The following NARS2 variants were observed in gnomAD, a reference collection of about 807,000 sequenced individuals.
NARS2 encodes the protein asparaginyl-tRNA synthetase.
In NARS2, 60 loss-of-function variants were observed where a neutral mutation model predicts 62.9. The ratio of observed to expected loss-of-function variants is 0.95; its 90% CI spans 0.77 to 1.18. NARS2 has a LOEUF of 1.18. NARS2 is among the 50% of genes most tolerant of loss of function. The pLI is 0.00. For synonymous variants in NARS2, 196 were observed against 200.0 expected (o/e 0.98, Z 0.17); for missense variants, 619 against 576.4 (o/e 1.07, Z -0.76).
In NARS2 at chr11:78,440,978, G is replaced by C; in HGVS notation, c.1289+113C>G. On this transcript the variant is annotated intron_variant, in intron 13 of 13. Coordinates refer to ENST00000281038, the MANE Select transcript of NARS2 (RefSeq NM_024678.6). The stretch of plus-strand genomic sequence containing the variant: ...CCTTCCCTGACCTAAGAACAGTTAA[G>C]TTCATTGTTTTTAACACTCTTTCAT... 3 of 934,680 alleles carry C rather than the reference G, an allele frequency of 3.2e-6. No individual in the cohort carries two copies. The South Asian group carries it at 4.6e-5, about 14-fold the overall frequency. The allele number at this position is 934,680 out of a possible 1,614,324, so 57.9% of individuals were successfully genotyped here.
intron 5 of NARS2, among the ~76,000 whole-genome samples, chr11:78,534,966 A>C (rs1861619113): frequency 6.6e-6 from 1 of 152,208 alleles, no homozygotes; most frequent in Non-Finnish European, 1.5e-5. Flanking sequence ...ACATAGTATA[A>C]AGCCTCTAAA....
chr11:78,571,398 T>G lies in NARS2; in HGVS notation c.188A>C (p.His63Pro). Residue 63 changes from histidine (H) to proline (P), a missense_variant, in exon 2 of 14, where the codon CAT (histidine) becomes CCT (proline). By Grantham distance (77) the His-to-Pro change is moderately conservative. Transcript: ENST00000281038. Reference protein sequence around the residue: ...VRSQKEVLFLHVNDGSSLESL... With the variant: ...VRSQKEVLFLPVNDGSSLESL... Reference sequence around the variant, plus strand: ...TTCCAAAGATGACCCATCATTTACATGCAGGAACAAGACTTCCTTCTGGGA... The same window carrying G: ...TTCCAAAGATGACCCATCATTTACAGGCAGGAACAAGACTTCCTTCTGGGA... 6.2e-7 allele frequency: 1 copy of G among 1,613,710 alleles called. No homozygotes were observed. Among genetic ancestry groups the G allele is most frequent in the Non-Finnish European group, 8.5e-7 (1 of 1,179,920 alleles).
At chr11:78,519,794 G>A (rs1861046367) in intron 6 of NARS2, among the ~76,000 whole-genome samples, 1 of 151,598 alleles carries the variant, frequency 6.6e-6, no homozygotes, top group African/African-American at 2.4e-5. Flanking sequence ...TCCGCCTCCT[G>A]GGTTCACGCG....
intron 4 of NARS2, among the ~76,000 whole-genome samples, chr11:78,565,687 C>A (rs368524485): frequency 2.0e-5 from 3 of 152,118 alleles, no homozygotes; most frequent in East Asian, 3.8e-4. Flanking sequence ...GGGAAAGAAC[C>A]ATCTAAAAAG....
chr11:78,550,423 C>G (rs142940632), intron 5 of NARS2, among the ~76,000 whole-genome samples: 7 of 152,188 alleles, frequency 4.6e-5, no homozygotes, highest in Non-Finnish European at 1.0e-4. Context: ...GTCAGCTCAT[C>G]AGAATACATT....
At chr11:78,480,021 A>G (rs1018346455) in intron 7 of NARS2, among the ~76,000 whole-genome samples, 3 of 151,698 alleles carry the variant, frequency 2.0e-5, no homozygotes, top group East Asian at 3.9e-4. Flanking sequence ...GCCTCAGCCA[A>G]CTGAGTAACT....
chr11:78,444,655 G>A (rs995166052), intron 11 of NARS2, among the ~76,000 whole-genome samples: 1 of 148,398 alleles, frequency 6.7e-6, no homozygotes, highest in Non-Finnish European at 1.5e-5. Context: ...GGAGGTGGAG[G>A]TCACAGCGAG....
intron 6 of NARS2, among the ~76,000 whole-genome samples, chr11:78,493,709 A>G (rs1176986213): frequency 6.6e-6 from 1 of 152,090 alleles, no homozygotes; most frequent in Non-Finnish European, 1.5e-5. Context: ...TTACATTTAT[A>G]GAAACCATTT....
chr11:78,478,812 T>A, intron 7 of NARS2, 129 bp from the exon 8 acceptor site: 1 of 486,816 alleles, frequency 2.1e-6, no homozygotes, highest in Non-Finnish European at 3.5e-6. Context: ...AATCCTTGAA[T>A]GTACCATGGA....
At chr11:78,553,273 T>C (rs1380840394) in intron 5 of NARS2, among the ~76,000 whole-genome samples, 2 of 152,216 alleles carry the variant, frequency 1.3e-5, no homozygotes, top group South Asian at 2.1e-4. Context: ...TGTCTGTTCA[T>C]GTCCTTTGCA....
At chr11:78,461,524 G>C (rs945590426) in intron 11 of NARS2, among the ~76,000 whole-genome samples, 14 of 140,466 alleles carry the variant, frequency 1.0e-4, no homozygotes, top group African/African-American at 3.5e-4. Context: ...ATCCTAACAA[G>C]AGCTACTTCA....
chr11:78,473,254 T>C (rs1403938741), intron 9 of NARS2, among the ~76,000 whole-genome samples: 1 of 152,220 alleles, frequency 6.6e-6, no homozygotes, highest in Non-Finnish European at 1.5e-5. Flanking sequence ...AACGTGCCTC[T>C]CCAGTTTTAC....
At chr11:78,497,404 T>C (rs955396221) in intron 6 of NARS2, among the ~76,000 whole-genome samples, 9 of 152,156 alleles carry the variant, frequency 5.9e-5, no homozygotes, top group African/African-American at 9.7e-5. Context: ...CTTAACATTT[T>C]GAAAGAACAG....
intron 6 of NARS2, among the ~76,000 whole-genome samples, chr11:78,496,168 A>G (rs1215909059): frequency 6.6e-6 from 1 of 152,210 alleles, no homozygotes; most frequent in Non-Finnish European, 1.5e-5. Flanking sequence ...ATGTTGAAAA[A>G]TTGCGTAAGA....
intron 13 of NARS2, among the ~76,000 whole-genome samples, chr11:78,440,405 A>T (rs867800185): frequency 6.6e-6 from 1 of 151,694 alleles, no homozygotes; most frequent in South Asian, 2.1e-4. Flanking sequence ...CCCCATCTCT[A>T]TCCCTCAAAC....
chr11:78,465,191 C>T (rs913170523), intron 11 of NARS2, among the ~76,000 whole-genome samples: 14 of 152,270 alleles, frequency 9.2e-5, no homozygotes, highest in South Asian at 6.2e-4. Flanking sequence ...CCTCACTGCC[C>T]GGAGCAGGTG....
chr11:78,471,262 A>G (rs1858859700), intron 9 of NARS2, among the ~76,000 whole-genome samples: 1 of 152,212 alleles, frequency 6.6e-6, no homozygotes, highest in Non-Finnish European at 1.5e-5. Context: ...CATGTAAGTA[A>G]ATAGTAAATC....
Position 78,563,838 on chromosome 11 carries a change from A to AC in NARS2, c.513+2293_513+2294insG, listed in dbSNP as rs1309812280. Among the ~76,000 whole-genome samples the AC allele has an allele frequency of 2.6e-4, 17 of 65,812 alleles. 1 individual carries two copies. Among genetic ancestry groups the AC allele is most frequent in the African/African-American group, 1.6e-3 (17 of 10,958 alleles). 43.2% of individuals were successfully genotyped at this position (65,812 alleles called of 152,430 possible). A position where few individuals can be genotyped will look rare whatever the true frequency, so the allele number is the denominator to read the frequency against. ...AGAGTGAACTCTGTATCAAAAAAAA[A>AC]AAAAAAAAAAAAAATATATATATAT... is the stretch of plus-strand genomic sequence containing the variant. On this transcript the variant is annotated intron_variant, in intron 4 of 13. Coordinates refer to ENST00000281038, the MANE Select transcript of NARS2 (RefSeq NM_024678.6).
At chr11:78,453,900 T>G (rs1010570823) in intron 11 of NARS2, among the ~76,000 whole-genome samples, 1 of 152,234 alleles carries the variant, frequency 6.6e-6, no homozygotes. Context: ...ACTGCTGCTG[T>G]CTGAAAGAGG....
Sources: gnomAD v4.1 joint callset for allele counts (sites outside exome capture counted in the v4.1 genomes callset) on GRCh38, gnomAD v4.1.1 for gene constraint, MANE v1.5 for transcripts, NCBI Gene and HGNC (gene_info 2026-07-23, HGNC 2026-07-21) for gene names.